The following CNOT10 variants were observed in gnomAD, a reference collection of about 807,000 sequenced individuals.
CNOT10 encodes the protein CCR4-NOT transcription complex subunit 10, also known as CCR4-NOT transcription complex, subunit 10.
CNOT10 carries 30 observed loss-of-function variants against 94.6 expected under a neutral mutation model. That is an observed-to-expected ratio of 0.32 (90% CI 0.24 to 0.43). CNOT10 has a LOEUF of 0.43. Ranked by LOEUF, CNOT10 falls within the 20% of genes least tolerant of loss-of-function variation. The probability of loss-of-function intolerance (pLI) is 1.00; values close to 1 mark genes in which losing one functional copy is unlikely to be tolerated. For synonymous variants in CNOT10, 289 were observed against 301.6 expected, an observed-to-expected ratio of 0.96 and a Z score of 0.43; for missense variants, 759 against 877.2, an observed-to-expected ratio of 0.87 and a Z score of 1.70.
intron 1 of CNOT10, chr3:32,695,715 T>C (rs751930055): frequency 4.9e-5 from 75 of 1,535,548 alleles, no homozygotes; most frequent in Non-Finnish European, 6.2e-5. Flanking sequence ...TAGGCCAGAG[T>C]AGAAGGAAAG....
At chr3:32,737,142 C>T (rs563956963) in intron 12 of CNOT10, among the ~76,000 whole-genome samples, 4 of 151,978 alleles carry the variant, frequency 2.6e-5, no homozygotes, top group East Asian at 2.0e-4. Flanking sequence ...GGTGAAACCC[C>T]GTTTCTACTA....
chr3:32,708,849 C>G, intron 4 of CNOT10, 29 bp downstream of exon 4: 1 of 1,578,784 alleles, frequency 6.3e-7, no homozygotes, highest in South Asian at 1.1e-5. Flanking sequence ...CAAAAATTTC[C>G]CTATCTTCCC....
rs2125580737 is a variant in CNOT10 at position 32,734,878 on chromosome 3, A to G, written c.1416A>G (p.Leu472=). The part of the protein sequence containing the change: ...AICLRNALLL[L]PEEQQDPKQE... Reference sequence around the variant, plus strand: ...GTCTCAGAAATGCCTTGTTGCTGCTACCTGAAGAACAGCAAGATCCAAAGC... The same window carrying G: ...GTCTCAGAAATGCCTTGTTGCTGCTGCCTGAAGAACAGCAAGATCCAAAGC... The change falls in exon 12 of 19, where the codon CTA becomes CTG. Residue 472 remains leucine, a synonymous_variant. Coordinates refer to ENST00000328834, the MANE Select transcript of CNOT10 (RefSeq NM_015442.3). 9 of 1,613,982 alleles carry G rather than the reference A, an allele frequency of 5.6e-6. No individual in the cohort carries two copies. The highest frequency in any genetic ancestry group is 2.2e-5 in the East Asian group (1 of 44,874).
At chr3:32,741,988 AT>A (rs1699490682) in intron 13 of CNOT10, among the ~76,000 whole-genome samples, 1 of 143,410 alleles carries the variant, frequency 7.0e-6, no homozygotes, top group Admixed American at 6.8e-5. Flanking sequence ...ATTTTATTTT[AT>A]TTTTTTGCCA....
chr3:32,758,931 C>T (rs1700324458), intron 13 of CNOT10, among the ~76,000 whole-genome samples: 1 of 151,952 alleles, frequency 6.6e-6, no homozygotes, highest in African/African-American at 2.4e-5. Flanking sequence ...ACTCTTGATA[C>T]TATGGTTTAG....
intron 1 of CNOT10, among the ~76,000 whole-genome samples, chr3:32,699,425 T>C (rs1369832323): frequency 6.6e-6 from 1 of 152,206 alleles, no homozygotes; most frequent in Non-Finnish European, 1.5e-5. Flanking sequence ...TTTAGTATTA[T>C]CGTTTTAATT....
At chr3:32,715,909 A>T (rs1405838639) in intron 5 of CNOT10, 1 of 193,682 alleles carries the variant, frequency 5.2e-6, no homozygotes, top group South Asian at 1.3e-4. Flanking sequence ...GGGCTCAGGC[A>T]GTCTTCCCAC....
intron 7 of CNOT10, among the ~76,000 whole-genome samples, chr3:32,718,234 G>A (rs1698208812): frequency 6.9e-6 from 1 of 145,840 alleles, no homozygotes; most frequent in South Asian, 2.2e-4. Flanking sequence ...GAAAGGCCCA[G>A]TTAGCCAGCC....
intron 13 of CNOT10, among the ~76,000 whole-genome samples, chr3:32,757,997 G>A (rs1001657019): frequency 6.6e-6 from 1 of 152,214 alleles, no homozygotes; most frequent in African/African-American, 2.4e-5. Context: ...TACCTATGTT[G>A]TGTATGCCTA....
At chr3:32,764,908 G>A (rs1700599212) in intron 17 of CNOT10, 99 bp downstream of exon 17, 5 of 1,545,280 alleles carry the variant, frequency 3.2e-6, no homozygotes, top group Non-Finnish European at 4.4e-6. Context: ...TGATCAGTTT[G>A]TTAAATATTG....
At chr3:32,725,783 G>A (rs548310878) in intron 9 of CNOT10, among the ~76,000 whole-genome samples, 184 bp downstream of exon 9, 1 of 152,314 alleles carries the variant, frequency 6.6e-6, no homozygotes, top group Admixed American at 6.5e-5. Context: ...ATAACAAGGT[G>A]TTAAGAGTAA....
At chr3:32,769,595 G>C (rs1700808193) in intron 17 of CNOT10, 2 of 296,478 alleles carry the variant, frequency 6.7e-6, no homozygotes, top group Non-Finnish European at 1.3e-5. Context: ...TGATGTAATT[G>C]CAACTGTATG....
At chr3:32,772,275 G>T (rs1294513939) in intron 18 of CNOT10, among the ~76,000 whole-genome samples, 1 of 152,108 alleles carries the variant, frequency 6.6e-6, no homozygotes, top group African/African-American at 2.4e-5. Flanking sequence ...GCTTGAATCC[G>T]GAGGCGGAGG....
intron 1 of CNOT10, among the ~76,000 whole-genome samples, chr3:32,693,811 G>A (rs1559474936): frequency 6.6e-6 from 1 of 151,974 alleles, no homozygotes; most frequent in South Asian, 2.1e-4. Flanking sequence ...CAAAGTGCTG[G>A]GATTACAGGT....
intron 1 of CNOT10, among the ~76,000 whole-genome samples, chr3:32,697,745 G>A (rs890302651): frequency 2.0e-5 from 3 of 152,206 alleles, no homozygotes; most frequent in African/African-American, 4.8e-5. Flanking sequence ...AAACTGCTGG[G>A]ATTACAGGTG....
intron 17 of CNOT10, chr3:32,769,139 A>G (rs1235392605): frequency 6.6e-6 from 1 of 152,262 alleles, no homozygotes; most frequent in Non-Finnish European, 1.5e-5. Flanking sequence ...GAAGTCTATT[A>G]TCTGATTAGA....
chr3:32,770,031 G>T, intron 18 of CNOT10, 69 bp downstream of exon 18: 3 of 1,215,068 alleles, frequency 2.5e-6, no homozygotes, highest in South Asian at 1.2e-5. Context: ...TGGGAGACAG[G>T]GTCTCACTGT....
intron 8 of CNOT10, among the ~76,000 whole-genome samples, chr3:32,725,069 C>T (rs1575245285): frequency 6.6e-6 from 1 of 152,076 alleles, no homozygotes; most frequent in African/African-American, 2.4e-5. Flanking sequence ...CATGGTGGCT[C>T]ATGCCTGTAA....
At chr3:32,698,090 C>G (rs984334710) in intron 1 of CNOT10, among the ~76,000 whole-genome samples, 1 of 152,164 alleles carries the variant, frequency 6.6e-6, no homozygotes, top group African/African-American at 2.4e-5. Context: ...CCTGACAGTT[C>G]TGCAAAACAC....
Sources: gnomAD v4.1 joint callset for allele counts (sites outside exome capture counted in the v4.1 genomes callset) on GRCh38, gnomAD v4.1.1 for gene constraint, MANE v1.5 for transcripts, NCBI Gene and HGNC (gene_info 2026-07-23, HGNC 2026-07-21) for gene names.